Variants in ZNF529 observed in about 807,000 individuals in gnomAD.
The protein encoded by ZNF529 is zinc finger protein 529.
In ZNF529, 11 loss-of-function variants were observed where a neutral mutation model predicts 10.1. The observed-to-expected ratio is 1.09, with a 90% CI of 0.69 to 1.81. The LOEUF is 1.81. Ranked by LOEUF, ZNF529 falls within the 40% of genes most tolerant of loss-of-function variation. The pLI is 0.00. For missense variants in ZNF529, 624 were observed against 666.8 expected (o/e 0.94, Z 0.71); for synonymous variants, 204 against 215.7 (o/e 0.95, Z 0.47).
chr19:36,593,801 T>C (rs1029954089), intron 1 of ZNF529: 1 of 152,162 alleles, frequency 6.6e-6, no homozygotes, highest in Non-Finnish European at 1.5e-5. Flanking sequence ...TGGCTAAAAA[T>C]GGTTAAGAAC....
intron 1 of ZNF529, among the ~76,000 whole-genome samples, chr19:36,603,826 A>G (rs2036969546): frequency 6.6e-6 from 1 of 152,200 alleles, no homozygotes; most frequent in Non-Finnish European, 1.5e-5. Context: ...AATTTCCTTT[A>G]GACAGCTATG....
intron 2 of ZNF529, chr19:36,580,636 A>G (rs954330957): frequency 6.6e-6 from 1 of 152,232 alleles, no homozygotes. Flanking sequence ...GTTAAATTTT[A>G]TGAAGCAAAA....
chr19:36,576,388 A>G (rs2036317962), upstream of ZNF529, among the ~76,000 whole-genome samples: 1 of 152,168 alleles, frequency 6.6e-6, no homozygotes, highest in Admixed American at 6.6e-5. Flanking sequence ...GCCTTCTCCA[A>G]GTTTCCCTTC....
intron 2 of ZNF529, among the ~76,000 whole-genome samples, chr19:36,579,571 A>G (rs1177602994): frequency 6.7e-6 from 1 of 150,072 alleles, no homozygotes; most frequent in Non-Finnish European, 1.5e-5. Flanking sequence ...AGCATATTAT[A>G]TAGCATATAG....
rs2035058084 is a variant in ZNF529 at position 36,547,141 on chromosome 19, T to C, written c.1417A>G (p.Ser473Gly). 1.2e-6 allele frequency: 2 copies of C among 1,614,010 alleles called. No individual in the cohort carries two copies. Among genetic ancestry groups the C allele is most frequent in the Non-Finnish European group, 1.7e-6 (2 of 1,179,952 alleles). The change falls in exon 5 of 5, where the codon AGT (serine) becomes GGT (glycine). Residue 473 changes from serine to glycine, a missense_variant. Ser to Gly is a moderately conservative substitution (Grantham distance 56, BLOSUM62 0). Coordinates refer to ENST00000591340, the MANE Select transcript of ZNF529 (RefSeq NM_020951.5). ...SALIQHQRIH[S>G]GEKPYECKVC... Reference sequence around the variant, plus strand: ...TTACATTCATAAGGTTTCTCACCACTATGAATTCTTTGATGTTGAATAAGG... The same window carrying C: ...TTACATTCATAAGGTTTCTCACCACCATGAATTCTTTGATGTTGAATAAGG...
rs538180952 is a variant in ZNF529, at chr19:36,562,561, C to A, written c.15-6364G>T. On this transcript the variant is annotated intron_variant, in intron 2 of 4. Transcript: ENST00000591340. The stretch of plus-strand genomic sequence containing the variant: ...TATTAGAAGGTGGAGCCTGGCCGGG[C>A]GCGGTGGCTCATGCCTGTAATCCTA... 3.9e-3 allele frequency among the ~76,000 whole-genome samples: 585 copies of A among 151,266 alleles called. 3 individuals are homozygous for A. The highest frequency in any genetic ancestry group is 6.6e-3 in the Non-Finnish European group (449 of 67,750).
chr19:36,549,406 T>A (rs2035177493), intron 4 of ZNF529, among the ~76,000 whole-genome samples: 1 of 152,190 alleles, frequency 6.6e-6, no homozygotes, highest in South Asian at 2.1e-4. Context: ...TAAATCACTG[T>A]ATGAATGAAT....
chr19:36,582,171 A>G (rs1445564482), intron 2 of ZNF529: 1 of 152,108 alleles, frequency 6.6e-6, no homozygotes, highest in Non-Finnish European at 1.5e-5. Context: ...GCAGGGGGAA[A>G]AGGGTAGTTA....
rs551734326 is a variant in ZNF529 at position 36,549,659 on chromosome 19, C to A, written c.236-1337G>T. The stretch of plus-strand genomic sequence containing the variant: ...TATTGTCCACCACTATTGCTTATTC[C>A]CTCTTATGCAGAGCCATGATTGACA... On this transcript the variant is annotated intron_variant, in intron 4 of 4. Transcript: ENST00000591340. 3.2e-4 allele frequency among the ~76,000 whole-genome samples: 49 copies of A among 152,182 alleles called. 1 individual carries two copies. The highest frequency in any genetic ancestry group is 1.1e-3 in the African/African-American group (47 of 41,512).
chr19:36,581,079 C>G (rs192647958), intron 2 of ZNF529: 25 of 152,280 alleles, frequency 1.6e-4, no homozygotes, highest in African/African-American at 6.0e-4. Flanking sequence ...TCAACATGAC[C>G]TAATTGTTGT....
rs1299462649 is a variant in ZNF529, at chr19:36,573,265, G to A, written c.-172C>T. 3 of 301,066 alleles carry A rather than the reference G, an allele frequency of 1.0e-5. No individual in the cohort carries two copies. The highest frequency in any genetic ancestry group is 2.2e-5 in the African/African-American group (1 of 45,610). 18.6% of individuals were successfully genotyped at this position (301,066 alleles called of 1,614,324 possible). The stretch of plus-strand genomic sequence containing the variant: ...CCCGCAGCCCGGCCCGGGTCACCTC[G>A]ACTCGCCAGGCTTAACTCAATAACC... On this transcript the variant is annotated 5_prime_UTR_variant, in exon 1 of 5. Transcript: ENST00000591340.
At chr19:36,565,678 C>T (rs1407134780) in intron 2 of ZNF529, among the ~76,000 whole-genome samples, 1 of 151,844 alleles carries the variant, frequency 6.6e-6, no homozygotes, top group Non-Finnish European at 1.5e-5. Flanking sequence ...CATGCCTGGG[C>T]GACAGAGTGA....
chr19:36,554,775 C>A lies in ZNF529; in HGVS notation c.130G>T (p.Val44Leu). 6.4e-7 allele frequency: 1 copy of A among 1,570,600 alleles called. No homozygotes were observed. The highest frequency in any genetic ancestry group is 8.6e-7 in the Non-Finnish European group (1 of 1,156,924). ...TCCTCCTGAGAGAAGTTGATGACCA[C>A]ATCCCTGAGTGTCACCAGTTCCTGA... ...MDHELVTLRD[V>L]VINFSQEEWE... The change falls in exon 4 of 5, where the codon GTG becomes TTG. Residue 44 changes from valine (V) to leucine (L), a missense_variant. Physicochemically the swap from Val to Leu is conservative, Grantham distance 32. Transcript: ENST00000591340.
At chr19:36,571,634 C>G (rs2036114617) in intron 2 of ZNF529, among the ~76,000 whole-genome samples, 1 of 149,592 alleles carries the variant, frequency 6.7e-6, no homozygotes, top group Non-Finnish European at 1.5e-5. Flanking sequence ...GAGATCGCAC[C>G]ATTGCGCTCC....
intron 2 of ZNF529, among the ~76,000 whole-genome samples, chr19:36,565,878 T>G (rs976649541): frequency 6.6e-6 from 1 of 152,174 alleles, no homozygotes; most frequent in Non-Finnish European, 1.5e-5. Context: ...AAATGTAATC[T>G]GTGACAAAAC....
upstream of ZNF529, chr19:36,573,345 T>G (rs910159870): frequency 3.9e-5 from 17 of 436,144 alleles, no homozygotes; most frequent in Non-Finnish European, 7.7e-5. Flanking sequence ...CTGAGGCCTG[T>G]GGGAAACGTA....
intron 1 of ZNF529, among the ~76,000 whole-genome samples, chr19:36,597,509 T>G (rs183486980): frequency 9.1e-4 from 139 of 152,332 alleles, no homozygotes; most frequent in Non-Finnish European, 1.7e-3. Flanking sequence ...TTTAGCAGTA[T>G]CTACGAAAAC....
chr19:36,575,087 TTG>T (rs1186835938), upstream of ZNF529, among the ~76,000 whole-genome samples: 8 of 152,312 alleles, frequency 5.3e-5, no homozygotes, highest in African/African-American at 1.9e-4. Flanking sequence ...GATTGTGGCT[TTG>T]TGGAGTAGGT....
upstream of ZNF529, chr19:36,575,015 A>G (rs184841016): frequency 2.3e-6 from 1 of 434,526 alleles, no homozygotes; most frequent in East Asian, 7.0e-5. Context: ...TTGCTTTGCT[A>G]TGTTTGTATG....
Sources: allele counts gnomAD v4.1 joint callset (sites outside exome capture counted in the v4.1 genomes callset), GRCh38; gene constraint gnomAD v4.1.1; transcripts MANE v1.5; gene names NCBI Gene and HGNC (gene_info 2026-07-23, HGNC 2026-07-21).